CCZ1B: variants seen among roughly 807,000 people sequenced by gnomAD.
CCZ1B encodes CCZ1B vacuolar protein trafficking and biogenesis associated.
A neutral mutation model predicts 58.8 loss-of-function variants in CCZ1B; 25 were observed. That is an observed-to-expected ratio of 0.43 (90% CI 0.31 to 0.59). CCZ1B has a LOEUF of 0.59. Among genes scored for constraint, CCZ1B ranks in the 20% least tolerant of loss-of-function variants. The pLI is 0.12. For missense variants in CCZ1B, 180 were observed against 501.5 expected (o/e 0.36, Z 6.12); for synonymous variants, 66 against 173.2 (o/e 0.38, Z 4.86).
intron 7 of CCZ1B, among the ~76,000 whole-genome samples, chr7:6,816,041 C>T (rs1158586822): frequency 6.8e-6 from 1 of 147,700 alleles, no homozygotes; most frequent in Non-Finnish European, 1.5e-5. Context: ...TCAGGCAAAC[C>T]ATCTGATCTG....
chr7:6,812,170 C>A (rs1368238679), intron 9 of CCZ1B, 107 bp from the exon 10 acceptor site: 1 of 1,197,972 alleles, frequency 8.3e-7, no homozygotes, highest in Non-Finnish European at 1.2e-6. Context: ...CTTTTGATGC[C>A]AGCTGCTATT....
At chr7:6,801,307 CTG>C (rs1403259706) in intron 13 of CCZ1B, 56 bp downstream of exon 13, 2 of 154,836 alleles carry the variant, frequency 1.3e-5, no homozygotes, top group Non-Finnish European at 2.0e-5. Flanking sequence ...AAGGGATTTT[CTG>C]TGTCTTTTCT....
At chr7:6,822,879 A>AT (rs961905117) in intron 5 of CCZ1B, among the ~76,000 whole-genome samples, 1 of 146,062 alleles carries the variant, frequency 6.8e-6, no homozygotes, top group African/African-American at 2.6e-5. Flanking sequence ...CTTTTATAAA[A>AT]TTTTTTTGTA....
At position 6,824,624 on chromosome 7, in the gene CCZ1B, C is replaced by G; in HGVS notation, c.218+16G>C. 6.2e-7 allele frequency: 1 copy of G among 1,612,474 alleles called. No individual in the cohort carries two copies. Among genetic ancestry groups the G allele is most frequent in the South Asian group, 1.1e-5 (1 of 91,044 alleles). On this transcript the variant is annotated intron_variant, in intron 2 of 14. Coordinates refer to ENST00000316731, the MANE Select transcript of CCZ1B (RefSeq NM_198097.5). The stretch of plus-strand genomic sequence containing the variant: ...AAGAATTCACTGAACGCTAAAGGCA[C>G]ACTTAGAGGTATTACCTTGTAAACT...
At chr7:6,805,182 C>G in intron 11 of CCZ1B, 127 bp from the exon 12 acceptor site, 2 of 536,262 alleles carry the variant, frequency 3.7e-6, no homozygotes, top group Non-Finnish European at 5.5e-6. Flanking sequence ...CCCTTCTGCT[C>G]CTCAAATAGA....
chr7:6,815,153 TAA>T (rs1193352713), intron 7 of CCZ1B, among the ~76,000 whole-genome samples: 2 of 141,296 alleles, frequency 1.4e-5, no homozygotes, highest in South Asian at 2.4e-4. Context: ...CATTTTTTAT[TAA>T]AAAAAAATTT....
In CCZ1B at chr7:6,824,978, T is replaced by C. The variant is rs986060204; in HGVS notation, c.121-241A>G. Among the ~76,000 whole-genome samples the C allele has an allele frequency of 6.7e-5, 10 of 149,430 alleles. 1 individual carries two copies. Among genetic ancestry groups the C allele is most frequent in the Admixed American group, 4.0e-4 (6 of 15,014 alleles). On this transcript the variant is annotated intron_variant, in intron 1 of 14. Transcript: ENST00000316731. Reference sequence around the variant, plus strand: ...AACACAGTGAGACGTCTCTATTATTTAAAATAAGAAGAAGAACAGGAATGA... The same window carrying C: ...AACACAGTGAGACGTCTCTATTATTCAAAATAAGAAGAAGAACAGGAATGA...
intron 7 of CCZ1B, among the ~76,000 whole-genome samples, chr7:6,818,600 A>AAAGAC (rs1783049134): frequency 7.4e-6 from 1 of 134,808 alleles, no homozygotes; most frequent in Non-Finnish European, 1.6e-5. Flanking sequence ...AGACAGAAAG[A>AAAGAC]AAGAAAGAAA....
At chr7:6,821,734 A>G (rs1170125002) in intron 6 of CCZ1B, among the ~76,000 whole-genome samples, 1 of 151,432 alleles carries the variant, frequency 6.6e-6, no homozygotes, top group Non-Finnish European at 1.5e-5. Context: ...TTTAAAAAAA[A>G]AGATAAACTG....
intron 10 of CCZ1B, among the ~76,000 whole-genome samples, chr7:6,809,959 C>A (rs1316104247): frequency 6.8e-6 from 1 of 147,344 alleles, no homozygotes; most frequent in Non-Finnish European, 1.5e-5. Flanking sequence ...TGTGTAACAC[C>A]CTCAGGAAGG....
chr7:6,808,245 C>T (rs1782862496), intron 10 of CCZ1B, among the ~76,000 whole-genome samples: 1 of 125,446 alleles, frequency 8.0e-6, no homozygotes, highest in Non-Finnish European at 1.8e-5. Context: ...GGTGAGCTTC[C>T]CTGGATGTCA....
At chr7:6,803,683 G>GC (rs1242896903) in intron 12 of CCZ1B, among the ~76,000 whole-genome samples, 2 of 144,944 alleles carry the variant, frequency 1.4e-5, no homozygotes, top group Non-Finnish European at 3.0e-5. Flanking sequence ...TAACATATGG[G>GC]CCGGGCGCGG....
chr7:6,798,977 T>G lies in CCZ1B; in HGVS notation c.*247A>C. 3.2e-6 allele frequency: 1 copy of G among 317,118 alleles called. No individual in the cohort carries two copies. Among genetic ancestry groups the G allele is most frequent in the Non-Finnish European group, 5.1e-6 (1 of 197,862 alleles). The allele number at this position is 317,118 out of a possible 1,614,324, so 19.6% of individuals were successfully genotyped here. On this transcript the variant is annotated 3_prime_UTR_variant, in exon 15 of 15. Coordinates refer to ENST00000316731, the MANE Select transcript of CCZ1B (RefSeq NM_198097.5). ...ACAATTTATTAGTCTTATTTTCCAG[T>G]AAAATATTCAAATAATGTCAAAAGA...
rs769620724 is a variant in CCZ1B, at chr7:6,818,712, CAAGA to C, written c.698+1050_698+1053del. 4.7e-3 allele frequency among the ~76,000 whole-genome samples: 383 copies of C among 80,718 alleles called. 23 individuals carry two copies. The highest frequency in any genetic ancestry group is 0.03 in the Middle Eastern group (5 of 168). The allele number at this position is 80,718 out of a possible 152,430, so 53.0% of individuals were successfully genotyped here. A position where few individuals can be genotyped will look rare whatever the true frequency, so the allele number is the denominator to read the frequency against. ...AAGAAAGACAAGAAAGAAAGAAAGA[CAAGA>C]AAGAAAGAAAGAAAGAAAGAAAGAG... is the stretch of plus-strand genomic sequence containing the variant. On this transcript the variant is annotated intron_variant, in intron 7 of 14. Coordinates refer to ENST00000316731, the MANE Select transcript of CCZ1B (RefSeq NM_198097.5).
intron 10 of CCZ1B, chr7:6,811,467 C>T (rs565602315): frequency 1.4e-4 from 19 of 137,776 alleles, no homozygotes; most frequent in Non-Finnish European, 2.7e-4. Flanking sequence ...GCACATGCTC[C>T]GTCTTCTTTC....
chr7:6,808,394 A>AC (rs1221257395), intron 10 of CCZ1B, among the ~76,000 whole-genome samples: 13 of 73,136 alleles, frequency 1.8e-4, no homozygotes, highest in African/African-American at 1.8e-4. Flanking sequence ...CAAAAAAAAA[A>AC]AAAACAAAAA....
At position 6,823,278 on chromosome 7, in the gene CCZ1B, T is replaced by C. The variant is rs2952935; in HGVS notation, c.438+35A>G. On this transcript the variant is annotated intron_variant, in intron 5 of 14. Coordinates refer to ENST00000316731, the MANE Select transcript of CCZ1B (RefSeq NM_198097.5). ...GGAGCCTAGAGATAGGGGTAAGTGG[T>C]TGGACTCTGAGTTGAGAAAGAACGC... 4.6e-5 allele frequency: 73 copies of C among 1,602,888 alleles called. 2 individuals are homozygous for C. Among genetic ancestry groups the C allele is most frequent in the Middle Eastern group, 3.4e-4 (2 of 5,956 alleles).
rs200922002 is a variant in CCZ1B, at chr7:6,815,172, C to CTTT, written c.699-330_699-328dup. Among the ~76,000 whole-genome samples, 5 of 135,694 alleles carry CTTT rather than the reference C, an allele frequency of 3.7e-5. 1 individual carries two copies. Among genetic ancestry groups the CTTT allele is most frequent in the African/African-American group, 8.4e-5 (3 of 35,506 alleles). 89.0% of individuals were successfully genotyped at this position (135,694 alleles called of 152,430 possible). On this transcript the variant is annotated intron_variant, in intron 7 of 14. Coordinates refer to ENST00000316731, the MANE Select transcript of CCZ1B (RefSeq NM_198097.5). ...TTTTATTAAAAAAAAATTTTTTTTTCTTTTTTTTTTTTGAGACAAGGTCTT... is the reference window on the plus strand; with the variant it reads ...TTTTATTAAAAAAAAATTTTTTTTTCTTTTTTTTTTTTTTTGAGACAAGGTCTT...
At position 6,813,042 on chromosome 7, in the gene CCZ1B, A is replaced by C; in HGVS notation, c.781-5T>G. The stretch of plus-strand genomic sequence containing the variant: ...TGGAGAATCCCTTCCTGCTAACTGC[A>C]AATACATTTAATGTTGAGAATGACT... On this transcript the variant is annotated splice_polypyrimidine_tract_variant and splice_region_variant and intron_variant, in intron 8 of 14. Transcript: ENST00000316731. The C allele has an allele frequency of 6.4e-7, 1 of 1,555,388 alleles. No individual in the cohort carries two copies. The highest frequency in any genetic ancestry group is 8.7e-7 in the Non-Finnish European group (1 of 1,143,152).
Sources: gnomAD v4.1 joint callset for allele counts (sites outside exome capture counted in the v4.1 genomes callset) on GRCh38, gnomAD v4.1.1 for gene constraint, MANE v1.5 for transcripts, NCBI Gene and HGNC (gene_info 2026-07-23, HGNC 2026-07-21) for gene names.